Variants in PIGK observed in about 807,000 individuals in gnomAD.
PIGK encodes GPI-anchor transamidase.
PIGK carries 42 observed loss-of-function variants against 50.6 expected under a neutral mutation model. The observed-to-expected ratio is 0.83, with a 90% CI of 0.65 to 1.07. The LOEUF is 1.07. PIGK is among the 50% of genes least tolerant of loss of function. The probability of loss-of-function intolerance (pLI) is 0.00; values close to 1 mark genes in which losing one functional copy is unlikely to be tolerated. For missense variants in PIGK, 448 were observed against 488.7 expected (o/e 0.92, Z 0.78); for synonymous variants, 151 against 156.0 (o/e 0.97, Z 0.24).
At chr1:77,170,270 T>C (rs1182350242) in intron 3 of PIGK, among the ~76,000 whole-genome samples, 2 of 152,224 alleles carry the variant, frequency 1.3e-5, no homozygotes, top group Non-Finnish European at 1.5e-5. Flanking sequence ...AAAAGGCTCA[T>C]ATAATCTGGT....
intron 10 of PIGK, 120 bp from the exon 11 acceptor site, chr1:77,092,610 T>C (rs1267906221): frequency 1.5e-6 from 1 of 665,460 alleles, no homozygotes; most frequent in Non-Finnish European, 2.7e-6. Context: ...GACTAGTTAG[T>C]CAAATTAAAC....
chr1:77,189,703 A>G (rs1655840289), intron 3 of PIGK, among the ~76,000 whole-genome samples: 1 of 12,100 alleles, frequency 8.3e-5, no homozygotes, highest in Non-Finnish European at 2.2e-4. Flanking sequence ...TCATATATAT[A>G]TATATATATA....
chr1:77,211,299 C>A (rs752523343), intron 1 of PIGK, among the ~76,000 whole-genome samples: 2 of 151,682 alleles, frequency 1.3e-5, no homozygotes, highest in Non-Finnish European at 2.9e-5. Flanking sequence ...AATGCCTTTA[C>A]TCTCGGTGAA....
intron 3 of PIGK, among the ~76,000 whole-genome samples, chr1:77,186,891 G>A (rs1422590309): frequency 6.6e-6 from 1 of 152,164 alleles, no homozygotes; most frequent in African/African-American, 2.4e-5. Context: ...CTGGTGGCAG[G>A]TTGATTATAT....
At chr1:77,205,755 C>T (rs1656273364) in intron 3 of PIGK, among the ~76,000 whole-genome samples, 1 of 152,128 alleles carries the variant, frequency 6.6e-6, no homozygotes, top group African/African-American at 2.4e-5. Context: ...CAGTTTCTTG[C>T]TATAGCTGCT....
intron 3 of PIGK, chr1:77,194,922 A>C: frequency 1.9e-6 from 1 of 525,072 alleles, no homozygotes; most frequent in South Asian, 1.5e-5. Context: ...GGATGGACAG[A>C]AGTCATGGAA....
intron 5 of PIGK, among the ~76,000 whole-genome samples, chr1:77,165,603 T>TAA (rs10712374): frequency 6.4e-4 from 83 of 128,758 alleles, no homozygotes; most frequent in African/African-American, 2.1e-3. Flanking sequence ...CAACTGGTGA[T>TAA]AAAAAAAAAA....
At chr1:77,098,984 T>C (rs557625672) in intron 10 of PIGK, among the ~76,000 whole-genome samples, 3 of 152,176 alleles carry the variant, frequency 2.0e-5, no homozygotes, top group Non-Finnish European at 4.4e-5. Context: ...TTTAGAGGTC[T>C]TTAAAATATT....
intron 9 of PIGK, among the ~76,000 whole-genome samples, chr1:77,130,405 G>A (rs1327743820): frequency 6.8e-6 from 1 of 146,770 alleles, no homozygotes; most frequent in Admixed American, 6.9e-5. Flanking sequence ...TACGTACAGT[G>A]TAAAGGGGAA....
Position 77,161,410 on chromosome 1 carries a change from G to GAAAAA in PIGK, c.703-6_703-5insTTTTT. ...AATTGCAGGATCAGGTTGATGCTAT[G>GAAAAA]GAAAGGGGGAAAAAAAGTATTTCTA... On this transcript the variant is annotated splice_polypyrimidine_tract_variant and splice_region_variant and intron_variant, in intron 7 of 10. Transcript: ENST00000370812. The GAAAAA allele has an allele frequency of 6.8e-7, 1 of 1,461,468 alleles. No homozygotes were observed. The highest frequency in any genetic ancestry group is 1.4e-5 in the African/African-American group (1 of 71,758). 90.5% of individuals were successfully genotyped at this position (1,461,468 alleles called of 1,614,324 possible). A position where few individuals can be genotyped will look rare whatever the true frequency, so the allele number is the denominator to read the frequency against.
intron 10 of PIGK, among the ~76,000 whole-genome samples, chr1:77,106,451 T>C (rs1653679004): frequency 6.6e-6 from 1 of 152,172 alleles, no homozygotes; most frequent in South Asian, 2.1e-4. Flanking sequence ...TAAACAACAT[T>C]CCTTTTAAAA....
chr1:77,102,516 G>A (rs1653573437), intron 10 of PIGK, among the ~76,000 whole-genome samples: 2 of 152,134 alleles, frequency 1.3e-5, no homozygotes, highest in Admixed American at 1.3e-4. Context: ...GAAGGTGGAG[G>A]AAAGGGGTCA....
chr1:77,126,148 G>A (rs1324601024), intron 9 of PIGK, among the ~76,000 whole-genome samples: 2 of 151,992 alleles, frequency 1.3e-5, no homozygotes, highest in East Asian at 1.9e-4. Flanking sequence ...TAGGTTATTC[G>A]TGTTCAGATG....
chr1:77,127,067 A>G (rs1654249420), intron 9 of PIGK, among the ~76,000 whole-genome samples: 1 of 152,234 alleles, frequency 6.6e-6, no homozygotes, highest in African/African-American at 2.4e-5. Context: ...GTATTTGCTT[A>G]CTTTATAATA....
intron 10 of PIGK, among the ~76,000 whole-genome samples, chr1:77,113,765 T>A (rs1248369682): frequency 6.6e-6 from 1 of 152,148 alleles, no homozygotes; most frequent in African/African-American, 2.4e-5. Flanking sequence ...TTAAACTACA[T>A]GGAACCTCAG....
intron 9 of PIGK, among the ~76,000 whole-genome samples, chr1:77,123,001 T>C (rs935278350): frequency 1.1e-4 from 17 of 152,156 alleles, no homozygotes; most frequent in Non-Finnish European, 2.2e-4. Flanking sequence ...ATTGACTGAA[T>C]AATAAATATA....
intron 10 of PIGK, among the ~76,000 whole-genome samples, chr1:77,115,316 T>A (rs1402541569): frequency 1.3e-5 from 2 of 152,200 alleles, no homozygotes; most frequent in Non-Finnish European, 2.9e-5. Context: ...AGAGGCTAAT[T>A]ATACAAATAA....
intron 9 of PIGK, among the ~76,000 whole-genome samples, chr1:77,136,855 C>G (rs1222308048): frequency 6.6e-6 from 1 of 152,224 alleles, no homozygotes; most frequent in East Asian, 1.9e-4. Context: ...CACTTTCCAT[C>G]TCTCTGTCTA....
At chr1:77,192,673 G>T (rs1214650289) in intron 3 of PIGK, among the ~76,000 whole-genome samples, 1 of 152,104 alleles carries the variant, frequency 6.6e-6, no homozygotes, top group African/African-American at 2.4e-5. Context: ...TTCTGGATAA[G>T]AAACTTTTAA....
Sources: gnomAD v4.1 joint callset for allele counts (sites outside exome capture counted in the v4.1 genomes callset) on GRCh38, gnomAD v4.1.1 for gene constraint, MANE v1.5 for transcripts, NCBI Gene and HGNC (gene_info 2026-07-23, HGNC 2026-07-21) for gene names.